PEX5: variants seen among roughly 807,000 people sequenced by gnomAD.
The protein encoded by PEX5 is peroxisomal biogenesis factor 5.
Under a neutral mutation model 82.9 loss-of-function variants are expected in PEX5, and 52 were observed. That is an observed-to-expected ratio of 0.63 (90% CI 0.50 to 0.79). The LOEUF is 0.79. Ranked by LOEUF, PEX5 falls within the 30% of genes least tolerant of loss-of-function variation. The pLI is 0.00. For synonymous variants in PEX5, 300 were observed against 318.8 expected (o/e 0.94, Z 0.63); for missense variants, 719 against 815.2 (o/e 0.88, Z 1.44).
In PEX5 at chr12:7,196,280, CATAT is replaced by C. The variant is rs1253700682; in HGVS notation, c.449-2727_449-2724del. Among the ~76,000 whole-genome samples, 65 of 68,872 alleles carry C rather than the reference CATAT, an allele frequency of 9.4e-4. 1 individual carries two copies. The highest frequency in any genetic ancestry group is 7.2e-4 in the African/African-American group (11 of 15,288). 45.2% of individuals were successfully genotyped at this position (68,872 alleles called of 152,430 possible). A position where few individuals can be genotyped will look rare whatever the true frequency, so the allele number is the denominator to read the frequency against. ...TATATATGTCATAATTTATATATGT[CATAT>C]ATAATTTAATTATATGTCATATATA... On this transcript the variant is annotated intron_variant, in intron 5 of 15. Coordinates refer to ENST00000675855, the MANE Select transcript of PEX5 (RefSeq NM_001351132.2).
chr12:7,208,980 TTG>T, intron 13 of PEX5, 23 bp from the exon 14 acceptor site: 1 of 1,608,712 alleles, frequency 6.2e-7, no homozygotes, highest in East Asian at 2.2e-5. Flanking sequence ...TCTACCTACT[TTG>T]TGTTTTTTTC....
chr12:7,218,161 G>C (rs922752179), intron 17 of PEX5, among the ~76,000 whole-genome samples: 2 of 152,146 alleles, frequency 1.3e-5, no homozygotes, highest in Non-Finnish European at 2.9e-5. Context: ...ATGATTTATT[G>C]ACGATTATTA....
chr12:7,217,233 G>C (rs1437803326), intron 17 of PEX5, among the ~76,000 whole-genome samples: 1 of 152,222 alleles, frequency 6.6e-6, no homozygotes, highest in Non-Finnish European at 1.5e-5. Flanking sequence ...AAAGCATTCA[G>C]AGTTTGGTTT....
intron 5 of PEX5, among the ~76,000 whole-genome samples, chr12:7,193,352 GC>G (rs1390905505): frequency 2.0e-5 from 3 of 150,918 alleles, no homozygotes; most frequent in Non-Finnish European, 4.4e-5. Flanking sequence ...TCCCGTTTCA[GC>G]CTCCTGAGTA....
chr12:7,205,502 A>G (rs773877292), intron 10 of PEX5, among the ~76,000 whole-genome samples: 1 of 152,346 alleles, frequency 6.6e-6, no homozygotes, highest in South Asian at 2.1e-4. Context: ...ATAAAAGAGA[A>G]GTATGTGATG....
rs778329472 is a variant in PEX5 at position 7,210,097 on chromosome 12, C to T, written c.1794C>T (p.Ala598=). Residue 598 remains alanine (A), a synonymous_variant, in exon 16 of 16, where the codon GCC becomes GCT. Transcript: ENST00000675855. ...GGGGCCCCCGGGGTGAAGGAGGTGC[C>T]ATGTCGGAGAACATCTGGAGCACCC... ...KSRGPRGEGG[A]MSENIWSTLR... 1.2e-6 allele frequency: 2 copies of T among 1,614,232 alleles called. No homozygotes were observed. The highest frequency in any genetic ancestry group is 1.3e-5 in the African/African-American group (1 of 75,056).
At chr12:7,200,165 T>C (rs1318065044) in intron 6 of PEX5, among the ~76,000 whole-genome samples, 5 of 146,330 alleles carry the variant, frequency 3.4e-5, no homozygotes. Context: ...GTCTCCTCAC[T>C]TCTCAGACGG....
chr12:7,217,676 A>G (rs889808249), intron 17 of PEX5, among the ~76,000 whole-genome samples: 15 of 152,256 alleles, frequency 9.9e-5, no homozygotes, highest in African/African-American at 3.6e-4. Context: ...GCATCAGGGC[A>G]GGCATAACTG....
At chr12:7,213,307 C>G (rs938543972), downstream of PEX5, among the ~76,000 whole-genome samples, 17 of 152,096 alleles carry the variant, frequency 1.1e-4, no homozygotes, top group African/African-American at 4.1e-4. Context: ...GGAGGCATCA[C>G]ACTACCTGAC....
intron 10 of PEX5, among the ~76,000 whole-genome samples, chr12:7,207,429 C>T (rs954537587): frequency 1.3e-5 from 2 of 152,180 alleles, no homozygotes; most frequent in African/African-American, 4.8e-5. Context: ...AATTTGTAGA[C>T]TTTCCTAGCT....
At chr12:7,202,070 C>T in intron 7 of PEX5, 171 bp from the exon 8 acceptor site, 1 of 1,049,374 alleles carries the variant, frequency 9.5e-7, no homozygotes, top group Non-Finnish European at 1.4e-6. Context: ...GTCTTTAGAG[C>T]CAGAAATCCC....
chr12:7,193,420 G>C (rs1207700081), intron 5 of PEX5, among the ~76,000 whole-genome samples: 1 of 152,034 alleles, frequency 6.6e-6, no homozygotes, highest in African/African-American at 2.4e-5. Context: ...TTTTAGTAGA[G>C]ACAGGGTTTC....
At chr12:7,196,104 TTTC>T (rs200960184) in intron 5 of PEX5, among the ~76,000 whole-genome samples, 20,703 of 136,280 alleles carry the variant, frequency 0.15, 1,874 homozygotes, top group Non-Finnish European at 0.21. Flanking sequence ...TTATAACGTA[TTTC>T]TTATTACATT....
chr12:7,212,482 A>C (rs865794559), downstream of PEX5, among the ~76,000 whole-genome samples: 714 of 57,952 alleles, frequency 0.012, 8 homozygotes, highest in African/African-American at 0.035. Flanking sequence ...AAAAAAAAAA[A>C]AAAAAACCCA....
At chr12:7,189,630 T>G (rs932604980), upstream of PEX5, 38 of 314,418 alleles carry the variant, frequency 1.2e-4, no homozygotes, top group South Asian at 1.2e-3. Flanking sequence ...CCTGGGCCGC[T>G]GCGGGGCGGT....
chr12:7,195,553 T>C (rs1941924517), intron 5 of PEX5, among the ~76,000 whole-genome samples: 1 of 152,080 alleles, frequency 6.6e-6, no homozygotes, highest in Non-Finnish European at 1.5e-5. Context: ...AACTGCCTCA[T>C]ATCTATTGTT....
Position 7,191,679 on chromosome 12 carries a change from G to T in PEX5, c.427G>T (p.Glu143Ter), listed in dbSNP as rs1357032287. 3 of 1,613,820 alleles carry T rather than the reference G, an allele frequency of 1.9e-6. No homozygotes were observed. The highest frequency in any genetic ancestry group is 8.5e-7 in the Non-Finnish European group (1 of 1,179,818). Residue 143 changes from glutamate (E) to a stop codon, truncating the protein, a stop_gained, in exon 5 of 16, where the codon GAA becomes TAA. Coordinates refer to ENST00000675855, the MANE Select transcript of PEX5 (RefSeq NM_001351132.2). LOFTEE classifies it high-confidence loss of function. ...TTATAATGAGACTGACTGGTCCCAA[G>T]AATTCATCTCTGAAGTTACAGGTGA... is the stretch of plus-strand genomic sequence containing the variant. ...QDYNETDWSQ[E>*]FISEVTDPLS... is the part of the protein sequence containing the mutation.
At chr12:7,207,232 C>T (rs1217317343) in intron 10 of PEX5, among the ~76,000 whole-genome samples, 2 of 152,194 alleles carry the variant, frequency 1.3e-5, no homozygotes, top group African/African-American at 4.8e-5. Flanking sequence ...CTCCAAACAA[C>T]ATTTCCTTTA....
intron 10 of PEX5, among the ~76,000 whole-genome samples, chr12:7,205,894 C>G (rs1470163726): frequency 6.6e-6 from 1 of 152,166 alleles, no homozygotes; most frequent in Non-Finnish European, 1.5e-5. Flanking sequence ...TACAGGCCAT[C>G]ATATCTTAAG....
Sources: gnomAD v4.1 joint callset for allele counts (sites outside exome capture counted in the v4.1 genomes callset) on GRCh38, gnomAD v4.1.1 for gene constraint, MANE v1.5 for transcripts, NCBI Gene and HGNC (gene_info 2026-07-23, HGNC 2026-07-21) for gene names.